Variants in NUAK1 observed in about 807,000 individuals in gnomAD.
The protein encoded by NUAK1 is NUAK family SNF1-like kinase 1.
NUAK1 carries 26 observed loss-of-function variants against 56.9 expected under a neutral mutation model. That is an observed-to-expected ratio of 0.46 (90% CI 0.33 to 0.63). The LOEUF (loss-of-function observed/expected upper bound fraction) is 0.63. Ranked by LOEUF, NUAK1 falls within the 30% of genes least tolerant of loss-of-function variation. NUAK1 has a pLI of 0.02. For missense variants in NUAK1, 727 were observed against 876.1 expected (o/e 0.83, Z 2.15); for synonymous variants, 337 against 336.0 (o/e 1.00, Z -0.03).
chr12:106,114,770 C>T (rs1381252459), intron 1 of NUAK1, among the ~76,000 whole-genome samples: 1 of 152,200 alleles, frequency 6.6e-6, no homozygotes, highest in East Asian at 1.9e-4. Flanking sequence ...AGGGCTGAAA[C>T]TGCCACAAAA....
chr12:106,115,740 G>T (rs901102511), intron 1 of NUAK1, among the ~76,000 whole-genome samples: 1 of 152,336 alleles, frequency 6.6e-6, no homozygotes, highest in Non-Finnish European at 1.5e-5. Context: ...TGAGGAGTGT[G>T]CTCGGCCCCA....
At chr12:106,128,648 C>G (rs192857439) in intron 1 of NUAK1, among the ~76,000 whole-genome samples, 2 of 152,112 alleles carry the variant, frequency 1.3e-5, no homozygotes, top group African/African-American at 4.8e-5. Flanking sequence ...AATGGGGTCC[C>G]GCTGGAGATA....
intron 1 of NUAK1, among the ~76,000 whole-genome samples, chr12:106,120,239 C>T (rs1280199193): frequency 6.6e-6 from 1 of 152,140 alleles, no homozygotes; most frequent in Non-Finnish European, 1.5e-5. Flanking sequence ...CAGAAACTTA[C>T]AGCACCACTG....
intron 2 of NUAK1, among the ~76,000 whole-genome samples, chr12:106,089,910 G>T (rs1249840563): frequency 6.6e-6 from 1 of 152,138 alleles, no homozygotes; most frequent in African/African-American, 2.4e-5. Context: ...GCATTTGGAG[G>T]GGTCAAGAAA....
Position 106,138,342 on chromosome 12 carries a change from G to T in NUAK1, c.240+72C>A. ...AGAGCCCCAGGGCGCACAGACCCCC[G>T]CCTCGCACGCCCTCAGTCCCCGGCC... is the stretch of plus-strand genomic sequence containing the variant. On this transcript the variant is annotated intron_variant, in intron 1 of 6. Transcript: ENST00000261402. This position sits in a 1 kb window ranked among gnomAD's most constrained non-coding sequence, Gnocchi z 5.0. 6.6e-7 allele frequency: 1 copy of T among 1,516,970 alleles called. No individual in the cohort carries two copies. The highest frequency in any genetic ancestry group is 2.3e-5 in the East Asian group (1 of 43,620). 94.0% of individuals were successfully genotyped at this position (1,516,970 alleles called of 1,614,324 possible).
In NUAK1 at chr12:106,064,665, A is replaced by T. The variant is rs1565916738; in HGVS notation, c.*2137T>A. 1 of 152,278 alleles carries T rather than the reference A, an allele frequency of 6.6e-6. No homozygotes were observed. Among genetic ancestry groups the T allele is most frequent in the Non-Finnish European group, 1.5e-5 (1 of 68,094 alleles). The allele number at this position is 152,278 out of a possible 1,614,324, so 9.4% of individuals were successfully genotyped here. A position where few individuals can be genotyped will look rare whatever the true frequency, so the allele number is the denominator to read the frequency against. ...CTAAGTCATACTGACAGCTACGGAC[A>T]CGGCCAGCTGCCGTGCACAAGGGGC... On this transcript the variant is annotated 3_prime_UTR_variant, in exon 7 of 7. Coordinates refer to ENST00000261402, the MANE Select transcript of NUAK1 (RefSeq NM_014840.3).
Position 106,066,940 on chromosome 12 carries a change from G to T in NUAK1, c.1848C>A (p.Leu616=). The stretch of plus-strand genomic sequence containing the variant: ...GGTACTGGGGCCGGGGCCGGTTCTG[G>T]AGCCCCTCAAAGTCCTGGATCTGGA... ...NFLQIQDFEG[L]QNRPRPQYLK... is the part of the protein sequence containing the mutation. Residue 616 remains leucine, a synonymous_variant, in exon 7 of 7, where the codon CTC becomes CTA. Transcript: ENST00000261402. 1.2e-6 allele frequency: 2 copies of T among 1,614,226 alleles called. No homozygotes were observed. Among genetic ancestry groups the T allele is most frequent in the Non-Finnish European group, 1.7e-6 (2 of 1,180,034 alleles).
intron 2 of NUAK1, chr12:106,105,962 TG>T (rs1565924550): frequency 2.0e-5 from 3 of 153,308 alleles, no homozygotes; most frequent in Admixed American, 6.5e-5. Context: ...TGGTGCTTAC[TG>T]GACCTGCTCA....
intron 1 of NUAK1, among the ~76,000 whole-genome samples, chr12:106,130,144 G>A (rs1391657393): frequency 6.6e-6 from 1 of 152,098 alleles, no homozygotes; most frequent in African/African-American, 2.4e-5. Context: ...ACCACGCCTG[G>A]CTAATTTTTG....
rs182853213 is a variant in NUAK1 at position 106,072,697 on chromosome 12, C to G, written c.699+27G>C. The G allele has an allele frequency of 9.1e-5, 146 of 1,612,734 alleles. No homozygotes were observed. The African/African-American group carries it at 1.8e-3, about 20-fold the overall frequency. On this transcript the variant is annotated intron_variant, in intron 5 of 6. Coordinates refer to ENST00000261402, the MANE Select transcript of NUAK1 (RefSeq NM_014840.3). ...CCCTCTTCTCCCTCCCCTCCCCTGC[C>G]CCATACACATTGGGAAAGCTGCTCA...
intron 2 of NUAK1, among the ~76,000 whole-genome samples, chr12:106,102,548 C>T (rs527580796): frequency 6.6e-6 from 1 of 152,310 alleles, no homozygotes; most frequent in South Asian, 2.1e-4. Flanking sequence ...TAGTTACATA[C>T]TATTCCAAGG....
rs773354501 is a variant in NUAK1, at chr12:106,067,154, A to G, written c.1634T>C (p.Met545Thr). Residue 545 changes from methionine (M) to threonine (T), a missense_variant, in exon 7 of 7, where the codon ATG becomes ACG. Transcript: ENST00000261402. This position sits in a 1 kb window ranked among gnomAD's most constrained non-coding sequence, Gnocchi z 6.0. ...TMDPALVSPEMPTLESLSEPG... is the reference protein window; with the variant it reads ...TMDPALVSPETPTLESLSEPG... ...CTCTGACAGGGATTCCAGTGTGGGC[A>G]TTTCAGGGCTGACCAGGGCTGGGTC... 6 of 1,614,058 alleles carry G rather than the reference A, an allele frequency of 3.7e-6. No individual in the cohort carries two copies. The highest frequency in any genetic ancestry group is 1.7e-5 in the Admixed American group (1 of 60,020).
intron 1 of NUAK1, among the ~76,000 whole-genome samples, chr12:106,118,729 A>T (rs1428157087): frequency 6.6e-6 from 1 of 152,166 alleles, no homozygotes; most frequent in Non-Finnish European, 1.5e-5. Context: ...TATTCCCCAG[A>T]TGTTCTCCAT....
At chr12:106,128,354 C>T (rs2033045009) in intron 1 of NUAK1, among the ~76,000 whole-genome samples, 1 of 152,038 alleles carries the variant, frequency 6.6e-6, no homozygotes, top group Admixed American at 6.5e-5. Context: ...TGGTCTTGAA[C>T]TCCTAACCTC....
chr12:106,095,028 G>A (rs987737985), intron 2 of NUAK1, among the ~76,000 whole-genome samples: 3 of 152,062 alleles, frequency 2.0e-5, no homozygotes, highest in Non-Finnish European at 4.4e-5. Context: ...AGGTGGAAAC[G>A]GGCGCTATCA....
intron 1 of NUAK1, among the ~76,000 whole-genome samples, chr12:106,117,396 T>G (rs56375575): frequency 6.6e-6 from 1 of 152,156 alleles, no homozygotes; most frequent in Non-Finnish European, 1.5e-5. Context: ...TAACTATCAG[T>G]TCAAACCAGA....
At position 106,070,837 on chromosome 12, in the gene NUAK1, C is replaced by A. The variant is rs748336286; in HGVS notation, c.769G>T (p.Asp257Tyr). 1 of 1,614,114 alleles carries A rather than the reference C, an allele frequency of 6.2e-7. No individual in the cohort carries two copies. Among genetic ancestry groups the A allele is most frequent in the South Asian group, 1.1e-5 (1 of 91,070 alleles). The change falls in exon 6 of 7, where the codon GAT becomes TAT. Residue 257 changes from aspartate to tyrosine, a missense_variant. By Grantham distance (160) the Asp-to-Tyr change is radical. Transcript: ENST00000261402. ...ATTTGCCGAATGAGGTTTTTGTGATCGAAACCATCGAAGGGCATTGTTCCA... is the reference window on the plus strand; with the variant it reads ...ATTTGCCGAATGAGGTTTTTGTGATAGAAACCATCGAAGGGCATTGTTCCA... The part of the protein sequence containing the change: ...VYGTMPFDGF[D>Y]HKNLIRQISS...
Position 106,086,779 on chromosome 12 carries a change from C to T in NUAK1, c.468G>A (p.Arg156=). The T allele has an allele frequency of 6.2e-7, 1 of 1,614,152 alleles. No individual in the cohort carries two copies. Among genetic ancestry groups the T allele is most frequent in the Non-Finnish European group, 8.5e-7 (1 of 1,180,012 alleles). Residue 156 remains arginine (R), a synonymous_variant, in exon 3 of 7, where the codon CGG becomes CGA. Transcript: ENST00000261402. ...CAGAGACGATCTGCCGGAAGAAGTG[C>T]CGGGTCTCCCTCTCACTGAGGCGTC... ...ERRRLSERET[R]HFFRQIVSAV...
intron 1 of NUAK1, among the ~76,000 whole-genome samples, chr12:106,109,847 G>A (rs1162333574): frequency 6.6e-6 from 1 of 152,210 alleles, no homozygotes; most frequent in East Asian, 1.9e-4. Context: ...GGGCCAGGGG[G>A]TAACTGCTAA....
Sources: gnomAD v4.1 joint callset for allele counts (sites outside exome capture counted in the v4.1 genomes callset) on GRCh38, gnomAD v4.1.1 for gene constraint, Gnocchi (gnomAD v3.1) non-coding constraint, MANE v1.5 for transcripts, NCBI Gene and HGNC (gene_info 2026-07-23, HGNC 2026-07-21) for gene names.